HDAC9: variants seen among roughly 807,000 people sequenced by gnomAD.
HDAC9 encodes the protein histone deacetylase 9, also known as MEF-2 interacting transcription repressor (MITR) protein.
A neutral mutation model predicts 139.4 loss-of-function variants in HDAC9; 41 were observed. That is an observed-to-expected ratio of 0.29 (90% CI 0.23 to 0.38). HDAC9 has a LOEUF of 0.38. Ranked by LOEUF, HDAC9 falls within the 10% of genes least tolerant of loss-of-function variation. The pLI is 1.00. For missense variants in HDAC9, 1,147 were observed against 1,297.0 expected, an observed-to-expected ratio of 0.88 and a Z score of 1.78; for synonymous variants, 517 against 476.2, an observed-to-expected ratio of 1.09 and a Z score of -1.12.
chr7:18,149,746 G>T (rs924618292), intron 1 of HDAC9, among the ~76,000 whole-genome samples: 1 of 151,962 alleles, frequency 6.6e-6, no homozygotes, highest in Non-Finnish European at 1.5e-5. Context: ...AGTAGAGACA[G>T]GGTTTCACTG....
At chr7:18,261,054 A>G (rs955603430) in intron 2 of HDAC9, among the ~76,000 whole-genome samples, 6 of 151,892 alleles carry the variant, frequency 4.0e-5, no homozygotes, top group African/African-American at 1.5e-4. Context: ...TGTAATCCCA[A>G]CTCTCTGGGA....
At chr7:18,982,475 C>G (rs373627670) in intron 25 of HDAC9, among the ~76,000 whole-genome samples, 32 of 152,090 alleles carry the variant, frequency 2.1e-4, no homozygotes, top group African/African-American at 7.7e-4. Flanking sequence ...TGGTTTCCAA[C>G]AATGACCTTA....
intron 13 of HDAC9, among the ~76,000 whole-genome samples, chr7:18,743,328 C>G (rs1787624321): frequency 1.3e-5 from 2 of 152,072 alleles, no homozygotes; most frequent in South Asian, 4.1e-4. Flanking sequence ...GTCTGATACT[C>G]TGTTAAGATG....
intron 16 of HDAC9, among the ~76,000 whole-genome samples, chr7:18,775,284 G>A (rs1790662847): frequency 6.6e-6 from 1 of 152,060 alleles, no homozygotes; most frequent in Admixed American, 6.6e-5. Flanking sequence ...GACAGGAAGT[G>A]AGCACATGCT....
chr7:18,683,200 C>T (rs1782013006), intron 12 of HDAC9, among the ~76,000 whole-genome samples: 1 of 151,884 alleles, frequency 6.6e-6, no homozygotes, highest in Non-Finnish European at 1.5e-5. Context: ...TAGAAAAAGT[C>T]CTTATAATTA....
chr7:18,593,980 A>G lies in HDAC9; in HGVS notation c.615A>G (p.Thr205=), dbSNP rs759067781. The change falls in exon 6 of 26, where the codon ACA becomes ACG. Residue 205 remains threonine (T), a synonymous_variant. Coordinates refer to ENST00000686413, the MANE Select transcript of HDAC9 (RefSeq NM_178425.4). The part of the protein sequence containing the change: ...LSGTSPSYKY[T]LPGAQDAKDD... ...GAACATCTCCATCCTACAAGTACAC[A>G]TTACCAGGAGCACAAGATGCAAAGG... 2 of 1,612,862 alleles carry G rather than the reference A, an allele frequency of 1.2e-6. No individual in the cohort carries two copies. Among genetic ancestry groups the G allele is most frequent in the Non-Finnish European group, 1.7e-6 (2 of 1,179,076 alleles).
intron 2 of HDAC9, among the ~76,000 whole-genome samples, chr7:18,533,051 A>G (rs1201050927): frequency 6.6e-6 from 1 of 152,196 alleles, no homozygotes; most frequent in Non-Finnish European, 1.5e-5. Context: ...TAGTATTTAT[A>G]TGACTAGTCA....
At chr7:18,812,462 T>C (rs866246287) in intron 17 of HDAC9, among the ~76,000 whole-genome samples, 2 of 152,054 alleles carry the variant, frequency 1.3e-5, no homozygotes, top group Non-Finnish European at 2.9e-5. Flanking sequence ...TATAAAACTA[T>C]GTTGACAGTT....
At chr7:18,886,020 A>G (rs2129262692) in intron 22 of HDAC9, among the ~76,000 whole-genome samples, 1 of 152,332 alleles carries the variant, frequency 6.6e-6, no homozygotes, top group African/African-American at 2.4e-5. Context: ...ACTCATATAT[A>G]TTTAACAGCT....
intron 1 of HDAC9, chr7:18,151,718 C>A (rs749797476): frequency 6.6e-6 from 1 of 152,088 alleles, no homozygotes; most frequent in Non-Finnish European, 1.5e-5. Flanking sequence ...TCCACTATCT[C>A]CTTGGGAATG....
Position 18,634,611 on chromosome 7 carries a change from T to G in HDAC9, c.797-16T>G. ...TGTTCCTCATGAACACATTTGTACT[T>G]CACAATATTTTTCAGAATCCTCAGT... On this transcript the variant is annotated splice_polypyrimidine_tract_variant and intron_variant, in intron 7 of 25. Coordinates refer to ENST00000686413, the MANE Select transcript of HDAC9 (RefSeq NM_178425.4). 6.7e-7 allele frequency: 1 copy of G among 1,495,382 alleles called. No homozygotes were observed. The allele number at this position is 1,495,382 out of a possible 1,614,324, so 92.6% of individuals were successfully genotyped here.
rs149562987 is a variant in HDAC9, at chr7:18,297,067, G to A, written c.-42+6552G>A. On this transcript the variant is annotated intron_variant, in intron 1 of 3. Transcript: ENST00000413509. The stretch of plus-strand genomic sequence containing the variant: ...AAGATAGAGACTTAGAGACGTCATT[G>A]TTGAGCAGTAGAGCTGGAGGTGAAG... Among the ~76,000 whole-genome samples, 543 of 152,292 alleles carry A rather than the reference G, an allele frequency of 3.6e-3. 5 individuals carry two copies. Among genetic ancestry groups the A allele is most frequent in the African/African-American group, 0.011 (475 of 41,564 alleles).
At chr7:18,620,249 C>T (rs956950512) in intron 6 of HDAC9, among the ~76,000 whole-genome samples, 8 of 151,766 alleles carry the variant, frequency 5.3e-5, no homozygotes, top group African/African-American at 1.2e-4. Flanking sequence ...AGCTGTTAAT[C>T]GAATGTAATT....
At chr7:18,269,683 C>T (rs1278734727) in intron 2 of HDAC9, among the ~76,000 whole-genome samples, 1 of 152,076 alleles carries the variant, frequency 6.6e-6, no homozygotes, top group Non-Finnish European at 1.5e-5. Context: ...GATTGTGCCA[C>T]TGCACTTTAG....
At chr7:18,100,901 A>G (rs1562619442) in intron 1 of HDAC9, among the ~76,000 whole-genome samples, 1 of 152,098 alleles carries the variant, frequency 6.6e-6, no homozygotes, top group South Asian at 2.1e-4. Context: ...TTACTGGGAA[A>G]CAGCTTGATC....
At chr7:18,613,395 A>G (rs1837705588) in intron 6 of HDAC9, among the ~76,000 whole-genome samples, 1 of 152,010 alleles carries the variant, frequency 6.6e-6, no homozygotes, top group African/African-American at 2.4e-5. Context: ...AGTTGTGGTC[A>G]CTCTGAGCAC....
At chr7:18,186,540 C>A (rs952752612) in intron 2 of HDAC9, among the ~76,000 whole-genome samples, 1 of 152,140 alleles carries the variant, frequency 6.6e-6, no homozygotes, top group East Asian at 1.9e-4. Context: ...GGGAAAACTT[C>A]GGGTAGGGAG....
chr7:18,143,061 G>A (rs540137417), intron 1 of HDAC9, among the ~76,000 whole-genome samples: 1 of 152,310 alleles, frequency 6.6e-6, no homozygotes, highest in Non-Finnish European at 1.5e-5. Flanking sequence ...TAACCTGGGT[G>A]AGATGCTTCC....
At chr7:18,921,304 A>C (rs1803697586) in intron 22 of HDAC9, among the ~76,000 whole-genome samples, 1 of 152,172 alleles carries the variant, frequency 6.6e-6, no homozygotes, top group South Asian at 2.1e-4. Context: ...CAACCTACAG[A>C]ATGGGAGAAA....
Sources: allele counts gnomAD v4.1 joint callset (sites outside exome capture counted in the v4.1 genomes callset), GRCh38; gene constraint gnomAD v4.1.1; transcripts MANE v1.5; gene names NCBI Gene and HGNC (gene_info 2026-07-23, HGNC 2026-07-21).